Variants in NCALD observed in about 807,000 individuals in gnomAD.
The protein encoded by NCALD is neurocalcin delta.
NCALD carries 10 observed loss-of-function variants against 18.6 expected under a neutral mutation model. That is an observed-to-expected ratio of 0.54 (90% confidence interval 0.33 to 0.91). The LOEUF (loss-of-function observed/expected upper bound fraction) is 0.91, where lower values mean the gene tolerates loss of function less well. Among genes scored for constraint, NCALD ranks in the 40% least tolerant of loss-of-function variants. The pLI is 0.03. For synonymous variants in NCALD, 88 were observed against 87.4 expected, an observed-to-expected ratio of 1.01 and a Z score of -0.04; for missense variants, 184 against 247.6, an observed-to-expected ratio of 0.74 and a Z score of 1.72.
chr8:101,740,761 T>C (rs1375790554), intron 1 of NCALD, among the ~76,000 whole-genome samples: 1 of 152,168 alleles, frequency 6.6e-6, no homozygotes, highest in Non-Finnish European at 1.5e-5. Flanking sequence ...ACAGGTTCTG[T>C]GTGCCAGTAG....
At chr8:101,696,825 T>TG (rs1554604677) in intron 2 of NCALD, among the ~76,000 whole-genome samples, 1 of 151,924 alleles carries the variant, frequency 6.6e-6, no homozygotes, top group Admixed American at 6.6e-5. Flanking sequence ...TTTATAGCAC[T>TG]AAATGCCCAC....
At chr8:101,794,609 C>T (rs534504509), upstream of NCALD, among the ~76,000 whole-genome samples, 2 of 152,110 alleles carry the variant, frequency 1.3e-5, no homozygotes, top group Non-Finnish European at 2.9e-5. Context: ...AAAATTTTTA[C>T]ATTAACTGAC....
intron 1 of NCALD, among the ~76,000 whole-genome samples, chr8:102,085,580 C>G (rs1187602631): frequency 7.7e-6 from 1 of 130,006 alleles, no homozygotes; most frequent in African/African-American, 3.1e-5. Flanking sequence ...CATGGTGAAA[C>G]CCAGTCTCTA....
At chr8:102,100,279 T>C (rs1425907549) in intron 1 of NCALD, among the ~76,000 whole-genome samples, 1 of 152,160 alleles carries the variant, frequency 6.6e-6, no homozygotes, top group Non-Finnish European at 1.5e-5. Context: ...AAATAGGAGC[T>C]TTTCATAACT....
chr8:101,805,925 C>A (rs1340376315), intron 4 of NCALD, among the ~76,000 whole-genome samples: 2 of 152,002 alleles, frequency 1.3e-5, no homozygotes, highest in Non-Finnish European at 2.9e-5. Context: ...TAATTTATGC[C>A]CAAGAGCATT....
At chr8:101,731,837 G>C (rs1350489926) in intron 1 of NCALD, among the ~76,000 whole-genome samples, 6 of 152,152 alleles carry the variant, frequency 3.9e-5, no homozygotes, top group African/African-American at 1.4e-4. Flanking sequence ...CATGCTTAAA[G>C]GGCCCATGAG....
chr8:101,819,202 C>T (rs1439723143), intron 4 of NCALD, among the ~76,000 whole-genome samples: 2 of 151,888 alleles, frequency 1.3e-5, no homozygotes, highest in South Asian at 2.1e-4. Context: ...TTGAATATAC[C>T]ATTTTCCCAC....
At chr8:101,912,812 A>G (rs779772418) in intron 3 of NCALD, among the ~76,000 whole-genome samples, 6 of 152,264 alleles carry the variant, frequency 3.9e-5, no homozygotes, top group Non-Finnish European at 7.3e-5. Context: ...TCAGCAAACG[A>G]AATATGGCAA....
intron 3 of NCALD, among the ~76,000 whole-genome samples, chr8:101,892,303 C>T (rs1374552063): frequency 2.7e-5 from 4 of 146,234 alleles, no homozygotes; most frequent in Non-Finnish European, 4.4e-5. Context: ...GCTGAGGGTC[C>T]TGTCTGTTAG....
chr8:101,697,148 C>G (rs1423049168), intron 2 of NCALD, among the ~76,000 whole-genome samples: 2 of 151,946 alleles, frequency 1.3e-5, no homozygotes, highest in Non-Finnish European at 2.9e-5. Context: ...AAACTATCAT[C>G]AGAGAATACT....
intron 4 of NCALD, among the ~76,000 whole-genome samples, chr8:101,853,611 C>T (rs1376183241): frequency 1.3e-5 from 2 of 151,936 alleles, no homozygotes; most frequent in Non-Finnish European, 2.9e-5. Flanking sequence ...CAAGAAGAAA[C>T]AAATGACTAT....
intron 1 of NCALD, among the ~76,000 whole-genome samples, chr8:101,777,155 C>T (rs1023166476): frequency 6.6e-6 from 1 of 152,196 alleles, no homozygotes; most frequent in African/African-American, 2.4e-5. Flanking sequence ...CAAAGAAAGA[C>T]AACACACCTG....
At chr8:102,084,278 G>A (rs917620497) in intron 1 of NCALD, among the ~76,000 whole-genome samples, 1 of 152,210 alleles carries the variant, frequency 6.6e-6, no homozygotes, top group Non-Finnish European at 1.5e-5. Context: ...TAATGGCCGC[G>A]AATCTGTATG....
At chr8:101,830,763 C>T (rs1342531649) in intron 4 of NCALD, among the ~76,000 whole-genome samples, 1 of 140,710 alleles carries the variant, frequency 7.1e-6, no homozygotes, top group Non-Finnish European at 1.5e-5. Flanking sequence ...TTTTTTTAGA[C>T]GGAGTCTGGC....
chr8:101,955,568 C>T (rs1819593361), intron 2 of NCALD, among the ~76,000 whole-genome samples: 1 of 152,150 alleles, frequency 6.6e-6, no homozygotes, highest in African/African-American at 2.4e-5. Flanking sequence ...TGTTTAACAA[C>T]ATAACAGACT....
At chr8:101,986,190 C>G (rs1386828053) in intron 2 of NCALD, among the ~76,000 whole-genome samples, 1 of 152,142 alleles carries the variant, frequency 6.6e-6, no homozygotes, top group Non-Finnish European at 1.5e-5. Flanking sequence ...GCCACCATGC[C>G]TGGCTAATTT....
intron 2 of NCALD, among the ~76,000 whole-genome samples, chr8:102,011,685 T>G (rs1444311133): frequency 2.6e-5 from 4 of 152,206 alleles, no homozygotes; most frequent in African/African-American, 9.7e-5. Flanking sequence ...TTGAATTGAA[T>G]TATATTCAAA....
intron 4 of NCALD, among the ~76,000 whole-genome samples, chr8:101,798,996 A>G (rs1812741500): frequency 1.3e-5 from 2 of 152,236 alleles, no homozygotes; most frequent in Admixed American, 1.3e-4. Context: ...AGGACCTGTT[A>G]AGAAGATGAA....
At position 101,878,122 on chromosome 8, in the gene NCALD, T is replaced by A. The variant is rs150942760; in HGVS notation, c.-20+9019A>T. Reference sequence around the variant, plus strand: ...GGGTGGGAAAAACATATAGTAAATGTCCTCGTTTTTTCTTGGCTGTTAACA... The same window carrying A: ...GGGTGGGAAAAACATATAGTAAATGACCTCGTTTTTTCTTGGCTGTTAACA... On this transcript the variant is annotated intron_variant, in intron 4 of 6. Transcript: ENST00000311028. 8.1e-3 allele frequency among the ~76,000 whole-genome samples: 1,228 copies of A among 152,312 alleles called. 8 individuals are homozygous for A. Among genetic ancestry groups the A allele is most frequent in the African/African-American group, 0.025 (1,025 of 41,562 alleles).
Sources: allele counts gnomAD v4.1 joint callset (sites outside exome capture counted in the v4.1 genomes callset), GRCh38; gene constraint gnomAD v4.1.1; transcripts MANE v1.5; gene names NCBI Gene and HGNC (gene_info 2026-07-23, HGNC 2026-07-21).